Variants in CCDC110 observed in about 807,000 individuals in gnomAD.
CCDC110 encodes coiled-coil domain containing 110, also known as coiled-coil domain-containing protein 110.
A neutral mutation model predicts 77.1 loss-of-function variants in CCDC110; 70 were observed. The ratio of observed to expected loss-of-function variants is 0.91; its 90% CI spans 0.75 to 1.11. CCDC110 has a LOEUF of 1.11. CCDC110 is among the 50% of genes least tolerant of loss of function. The pLI is 0.00. For synonymous variants in CCDC110, 295 were observed against 312.5 expected, an observed-to-expected ratio of 0.94 and a Z score of 0.59; for missense variants, 868 against 942.9, an observed-to-expected ratio of 0.92 and a Z score of 1.04.
intron 5 of CCDC110, chr4:185,460,774 T>C (rs559866455): frequency 5.5e-6 from 2 of 364,466 alleles, no homozygotes; most frequent in East Asian, 1.2e-4. Context: ...AGATTGGCTA[T>C]AAAAACTGCC....
At chr4:185,467,484 A>G (rs1297171102) in intron 2 of CCDC110, among the ~76,000 whole-genome samples, 6 of 152,214 alleles carry the variant, frequency 3.9e-5, no homozygotes, top group Non-Finnish European at 8.8e-5. Flanking sequence ...AGTCCCTGCT[A>G]AACATACAAT....
chr4:185,460,118 T>C lies in CCDC110; in HGVS notation c.469A>G (p.Ser157Gly). The C allele has an allele frequency of 6.2e-7, 1 of 1,613,674 alleles. No individual in the cohort carries two copies. Among genetic ancestry groups the C allele is most frequent in the Non-Finnish European group, 8.5e-7 (1 of 1,179,928 alleles). The change falls in exon 6 of 7, where the codon AGT becomes GGT. Residue 157 changes from serine (S) to glycine (G), a missense_variant. Ser to Gly is a moderately conservative substitution (Grantham distance 56). Transcript: ENST00000307588. Reference protein sequence around the residue: ...SGDSVNSLPQSVNVPSQIHSE... With the variant: ...SGDSVNSLPQGVNVPSQIHSE... ...TGTATCTGGGATGGAACATTTACAC[T>C]TTGAGGGAGACTGTTCACACTATCA...
intron 6 of CCDC110, chr4:185,449,776 TTC>T: frequency 3.7e-6 from 2 of 536,134 alleles, no homozygotes; most frequent in South Asian, 6.6e-5. Flanking sequence ...GCAACTCTAA[TTC>T]TCTTCCTTAT....
At position 185,445,507 on chromosome 4, in the gene CCDC110, G is replaced by A. The variant is rs745649959; in HGVS notation, c.2497C>T (p.His833Tyr). 6.8e-5 allele frequency: 108 copies of A among 1,577,056 alleles called. No homozygotes were observed. Among genetic ancestry groups the A allele is most frequent in the Non-Finnish European group, 8.9e-5 (103 of 1,152,602 alleles). ...CTTAGCAATCTTGAGGAATCCTAAT[G>A]ATGCTTGAGAGTTCTGTCTTTAACT... ...FKVKDRTLKH[H>Y] Residue 833 changes from histidine to tyrosine, a missense_variant, in exon 7 of 7, where the codon CAT becomes TAT. Transcript: ENST00000307588.
chr4:185,461,198 T>C (rs1419754778), intron 4 of CCDC110, 39 bp from the exon 5 acceptor site: 8 of 1,055,260 alleles, frequency 7.6e-6, no homozygotes, highest in Non-Finnish European at 1.1e-5. Flanking sequence ...ATTTCAGATT[T>C]GTAAACTTAT....
Position 185,458,109 on chromosome 4 carries a change from T to A in CCDC110, c.2461+17A>T. On this transcript the variant is annotated intron_variant, in intron 6 of 6. Coordinates refer to ENST00000307588, the MANE Select transcript of CCDC110 (RefSeq NM_152775.4). ...AATCTTAAACACATCTCTACTAATC[T>A]ACCAGGACTTGCGTACCTTTCAAAT... 1 of 1,496,098 alleles carries A rather than the reference T, an allele frequency of 6.7e-7. No homozygotes were observed. Among genetic ancestry groups the A allele is most frequent in the Middle Eastern group, 1.8e-4 (1 of 5,608 alleles). 92.7% of individuals were successfully genotyped at this position (1,496,098 alleles called of 1,614,324 possible).
chr4:185,452,486 C>T, intron 6 of CCDC110: 1 of 495,654 alleles, frequency 2.0e-6, no homozygotes, highest in Non-Finnish European at 2.6e-6. Flanking sequence ...TAAGCAGTAG[C>T]ACCTCAAGAA....
At chr4:185,471,406 G>A in intron 1 of CCDC110, 1 of 453,392 alleles carries the variant, frequency 2.2e-6, no homozygotes, top group Non-Finnish European at 3.9e-6. Context: ...GCCTGGGGCG[G>A]GGCGCGGCGC....
In CCDC110 at chr4:185,452,209, T is replaced by C. The variant is rs142357538; in HGVS notation, c.2461+5917A>G. On this transcript the variant is annotated intron_variant, in intron 6 of 6. Coordinates refer to ENST00000307588, the MANE Select transcript of CCDC110 (RefSeq NM_152775.4). Reference sequence around the variant, plus strand: ...TCAGCCATGACACTGGCGTCCTCTATTGACAACTTACACATCTAGTTATCT... The same window carrying C: ...TCAGCCATGACACTGGCGTCCTCTACTGACAACTTACACATCTAGTTATCT... 1,388 of 985,452 alleles carry C rather than the reference T, an allele frequency of 1.4e-3. 14 individuals are homozygous for C. The African/African-American group carries it at 0.021, about 15-fold the overall frequency. 61.0% of individuals were successfully genotyped at this position (985,452 alleles called of 1,614,324 possible).
In CCDC110 at chr4:185,470,225, G is replaced by A. The variant is rs115530618; in HGVS notation, c.115+720C>T. On this transcript the variant is annotated intron_variant, in intron 2 of 6. Coordinates refer to ENST00000307588, the MANE Select transcript of CCDC110 (RefSeq NM_152775.4). Reference sequence around the variant, plus strand: ...TAGAAAAGGTATACACCCCTCCCTGGATATCCACAGGGGATTGGTTCCAGA... The same window carrying A: ...TAGAAAAGGTATACACCCCTCCCTGAATATCCACAGGGGATTGGTTCCAGA... Among the ~76,000 whole-genome samples the A allele has an allele frequency of 3.0e-3, 458 of 152,250 alleles. 3 individuals carry two copies. The highest frequency in any genetic ancestry group is 0.01 in the African/African-American group (435 of 41,514).
rs1561160994 is a variant in CCDC110, at chr4:185,459,439, G to A, written c.1148C>T (p.Ser383Phe). 5 of 1,613,088 alleles carry A rather than the reference G, an allele frequency of 3.1e-6. No homozygotes were observed. The Admixed American group carries it at 8.3e-5, about 27-fold the overall frequency. Residue 383 changes from serine to phenylalanine, a missense_variant, in exon 6 of 7, where the codon TCC becomes TTC. Ser to Phe is a radical substitution (Grantham distance 155, BLOSUM62 -2). Coordinates refer to ENST00000307588, the MANE Select transcript of CCDC110 (RefSeq NM_152775.4). ...FHSRVPRYTL[S>F]FLDQTKHEMK... Reference sequence around the variant, plus strand: ...TTCATGTTTTGTTTGGTCGAGGAAGGACAGTGTGTATCTTGGAACTCTGGA... The same window carrying A: ...TTCATGTTTTGTTTGGTCGAGGAAGAACAGTGTGTATCTTGGAACTCTGGA...
intron 2 of CCDC110, 143 bp from the exon 3 acceptor site, chr4:185,463,192 C>T: frequency 1.6e-6 from 1 of 625,158 alleles, no homozygotes; most frequent in South Asian, 2.0e-5. Flanking sequence ...ATGCTAGTCA[C>T]ATAAGCTTAA....
chr4:185,461,099 A>G lies in CCDC110; in HGVS notation c.298T>C (p.Phe100Leu), dbSNP rs112294827. 2,897 of 1,601,690 alleles carry G rather than the reference A, an allele frequency of 1.8e-3. 42 individuals carry two copies. In the African/African-American group the frequency reaches 0.032, roughly 18 times the overall value. The change falls in exon 5 of 7, where the codon TTT becomes CTT. Residue 100 changes from phenylalanine to leucine, a missense_variant. Phe to Leu is a conservative substitution (Grantham distance 22). Transcript: ENST00000307588. ...KSIIEVENPQ[F>L]SSEKNLVFGT... ...AACACCAGATTTTTTTCTGAGCTAA[A>G]TTGTGGGTTTTCTACTTCAATAATA...
chr4:185,448,960 C>A (rs940564402), intron 6 of CCDC110, among the ~76,000 whole-genome samples: 1 of 147,350 alleles, frequency 6.8e-6, no homozygotes, highest in Non-Finnish European at 1.5e-5. Flanking sequence ...TTATTGAAAT[C>A]TCTTTCTTTT....
At position 185,458,228 on chromosome 4, in the gene CCDC110, T is replaced by C; in HGVS notation, c.2359A>G (p.Lys787Glu). Residue 787 changes from lysine (K) to glutamate (E), a missense_variant, in exon 6 of 7, where the codon AAA becomes GAA. Coordinates refer to ENST00000307588, the MANE Select transcript of CCDC110 (RefSeq NM_152775.4). Reference protein sequence around the residue: ...KICNQHNDPSKTTYISRREKF... With the variant: ...KICNQHNDPSETTYISRREKF... ...TCTCTTCTTGAAATGTAAGTTGTTT[T>C]TGAAGGGTCATTATGCTGATTACAA... 1 of 1,605,372 alleles carries C rather than the reference T, an allele frequency of 6.2e-7. No individual in the cohort carries two copies. The highest frequency in any genetic ancestry group is 1.3e-5 in the African/African-American group (1 of 74,542).
At position 185,459,424 on chromosome 4, in the gene CCDC110, G is replaced by T; in HGVS notation, c.1163C>A (p.Thr388Lys). 1 of 1,612,308 alleles carries T rather than the reference G, an allele frequency of 6.2e-7. No individual in the cohort carries two copies. Among genetic ancestry groups the T allele is most frequent in the Non-Finnish European group, 8.5e-7 (1 of 1,178,896 alleles). ...PRYTLSFLDQ[T>K]KHEMKDKERQ... ...TTCTTTGTCTTTCATTTCATGTTTT[G>T]TTTGGTCGAGGAAGGACAGTGTGTA... Residue 388 changes from threonine to lysine, a missense_variant, in exon 6 of 7, where the codon ACA becomes AAA. Physicochemically the swap from Thr to Lys is moderately conservative, Grantham distance 78 (BLOSUM62 -1). Transcript: ENST00000307588.
In CCDC110 at chr4:185,458,681, T is replaced by C. The variant is rs1214379927; in HGVS notation, c.1906A>G (p.Thr636Ala). Residue 636 changes from threonine to alanine, a missense_variant, in exon 6 of 7, where the codon ACA becomes GCA. Transcript: ENST00000307588. ...EQETLLQIIE[T>A]VKDEKLNLET... ...AGGTTGAGTTTTTCATCTTTAACTG[T>C]TTCTATTATTTGAAGAAGTGTCTCT... 6.2e-7 allele frequency: 1 copy of C among 1,603,818 alleles called. No homozygotes were observed. The highest frequency in any genetic ancestry group is 8.5e-7 in the Non-Finnish European group (1 of 1,178,032).
rs149743950 is a variant in CCDC110, at chr4:185,458,141, C to T, written c.2446G>A (p.Ala816Thr). 24 of 1,553,586 alleles carry T rather than the reference C, an allele frequency of 1.5e-5. No individual in the cohort carries two copies. In the South Asian group the frequency reaches 2.9e-4, roughly 19 times the overall value. The change falls in exon 6 of 7, where the codon GCT (alanine) becomes ACT (threonine). Residue 816 changes from alanine to threonine, a missense_variant. Ala to Thr is a moderately conservative substitution (Grantham distance 58). Transcript: ENST00000307588. ...ACTTGCGTACCTTTCAAATCCGAAGCCAAAGGCCTACTCTGAGGACTAGAA... is the reference window on the plus strand; with the variant it reads ...ACTTGCGTACCTTTCAAATCCGAAGTCAAAGGCCTACTCTGAGGACTAGAA... ...DTSSPQSRPL[A>T]SDLKGYFKVK...
chr4:185,462,988 A>G lies in CCDC110; in HGVS notation c.171+6T>C. ...TTGGAGATGATAAAATGGAATATAG[A>G]CTCACTTTCAATGCTGATTGTGGTT... On this transcript the variant is annotated splice_donor_region_variant and intron_variant, in intron 3 of 6. Transcript: ENST00000307588. The G allele has an allele frequency of 6.2e-7, 1 of 1,609,700 alleles. No homozygotes were observed. Among genetic ancestry groups the G allele is most frequent in the Non-Finnish European group, 8.5e-7 (1 of 1,176,122 alleles).
Sources: gnomAD v4.1 joint callset for allele counts (sites outside exome capture counted in the v4.1 genomes callset) on GRCh38, gnomAD v4.1.1 for gene constraint, MANE v1.5 for transcripts, NCBI Gene and HGNC (gene_info 2026-07-23, HGNC 2026-07-21) for gene names.